BOLL: variants seen among roughly 807,000 people sequenced by gnomAD.
BOLL encodes boule RNA binding protein.
A neutral mutation model predicts 44.4 loss-of-function variants in BOLL; 23 were observed. The ratio of observed to expected loss-of-function variants is 0.52; its 90% CI spans 0.37 to 0.73. BOLL has a LOEUF of 0.73. Among genes scored for constraint, BOLL ranks in the 30% least tolerant of loss-of-function variants. The pLI, the probability that BOLL is intolerant of heterozygous loss-of-function variation, is 0.00. For missense variants in BOLL, 287 were observed against 338.3 expected (o/e 0.85, Z 1.19); for synonymous variants, 97 against 110.8 (o/e 0.88, Z 0.78).
intron 9 of BOLL, among the ~76,000 whole-genome samples, chr2:197,753,389 A>G (rs1574832821): frequency 6.6e-6 from 1 of 152,236 alleles, no homozygotes; most frequent in African/African-American, 2.4e-5. Flanking sequence ...CCATCTATCC[A>G]TCTGACAATA....
intron 10 of BOLL, among the ~76,000 whole-genome samples, chr2:197,733,718 T>C (rs986817150): frequency 6.6e-5 from 10 of 152,202 alleles, no homozygotes; most frequent in African/African-American, 1.9e-4. Context: ...GGGAAAGGAT[T>C]CCCTATTTAA....
rs1689801033 is a variant in BOLL at position 197,781,822 on chromosome 2, G to A, written c.29C>T (p.Pro10Leu). 2 of 1,605,650 alleles carry A rather than the reference G, an allele frequency of 1.2e-6. No homozygotes were observed. The highest frequency in any genetic ancestry group is 1.7e-5 in the Admixed American group (1 of 59,892). The change falls in exon 2 of 11, where the codon CCT (proline) becomes CTT (leucine). Residue 10 changes from proline to leucine, a missense_variant. By Grantham distance (98) the Pro-to-Leu change is moderately conservative. Transcript: ENST00000392296. Reference protein sequence around the residue: MQTDSLSPSPNPVSPVPLNN... With the variant: MQTDSLSPSLNPVSPVPLNN... ...CAAAGGCACAGGTGACACAGGATTA[G>A]GGGATGGAGATAATGAATCTGTTTG...
rs1686876586 is a variant in BOLL, at chr2:197,727,011, T to C, written c.*1544A>G. 6.5e-6 allele frequency: 1 copy of C among 152,686 alleles called. No homozygotes were observed. The highest frequency in any genetic ancestry group is 6.5e-5 in the Admixed American group (1 of 15,278). The allele number at this position is 152,686 out of a possible 1,614,324, so 9.5% of individuals were successfully genotyped here. Reference sequence around the variant, plus strand: ...AGGATAGTGCTATTAAAAGAAAATCTTGAACATCAGTGGTTAGTAATTTTT... The same window carrying C: ...AGGATAGTGCTATTAAAAGAAAATCCTGAACATCAGTGGTTAGTAATTTTT... On this transcript the variant is annotated 3_prime_UTR_variant, in exon 11 of 11. Transcript: ENST00000392296.
chr2:197,761,553 GC>G (rs1688757856), intron 7 of BOLL, among the ~76,000 whole-genome samples: 1 of 152,078 alleles, frequency 6.6e-6, no homozygotes. Flanking sequence ...CAAAAGATAT[GC>G]AAAATAACCA....
chr2:197,761,637 T>C (rs1488715064), intron 7 of BOLL, among the ~76,000 whole-genome samples: 3 of 152,064 alleles, frequency 2.0e-5, no homozygotes, highest in Admixed American at 6.6e-5. Flanking sequence ...GGTTAAATTC[T>C]CCATTTAAAA....
In BOLL at chr2:197,757,489, A is replaced by G. The variant is rs183568370; in HGVS notation, c.553-89T>C. 2.2e-3 allele frequency: 2,407 copies of G among 1,095,178 alleles called. 6 individuals carry two copies. The highest frequency in any genetic ancestry group is 3.7e-3 in the Middle Eastern group (13 of 3,556). The allele number at this position is 1,095,178 out of a possible 1,614,324, so 67.8% of individuals were successfully genotyped here. A position where few individuals can be genotyped will look rare whatever the true frequency, so the allele number is the denominator to read the frequency against. On this transcript the variant is annotated intron_variant, in intron 7 of 10. Coordinates refer to ENST00000392296, the MANE Select transcript of BOLL (RefSeq NM_033030.6). ...TCTACAGGCAAAAATATGAAGTTGGACCCTCACACCATATACAAAAATTAA... is the reference window on the plus strand; with the variant it reads ...TCTACAGGCAAAAATATGAAGTTGGGCCCTCACACCATATACAAAAATTAA...
intron 6 of BOLL, among the ~76,000 whole-genome samples, chr2:197,767,272 TA>T (rs1689041700): frequency 6.6e-6 from 1 of 151,974 alleles, no homozygotes; most frequent in Admixed American, 6.6e-5. Context: ...TGCAAGATAG[TA>T]AAACTGGCTC....
rs146013381 is a variant in BOLL at position 197,755,579 on chromosome 2, T to A, written c.729+849A>T. Among the ~76,000 whole-genome samples, 3 of 152,276 alleles carry A rather than the reference T, an allele frequency of 2.0e-5. No homozygotes were observed. The East Asian group carries it at 5.8e-4, about 29-fold the overall frequency. Reference sequence around the variant, plus strand: ...TATGCAGCCATAAAAAGGAAAGAGATCATGTCCTTTGCTGGGACATGGATG... The same window carrying A: ...TATGCAGCCATAAAAAGGAAAGAGAACATGTCCTTTGCTGGGACATGGATG... On this transcript the variant is annotated intron_variant, in intron 9 of 10. Transcript: ENST00000392296.
chr2:197,732,129 TCAC>T (rs1265044244), intron 10 of BOLL, among the ~76,000 whole-genome samples: 1 of 149,246 alleles, frequency 6.7e-6, no homozygotes, highest in Non-Finnish European at 1.5e-5. Context: ...AAAGGGGATA[TCAC>T]CACCGAGCCC....
intron 9 of BOLL, among the ~76,000 whole-genome samples, chr2:197,746,094 C>G (rs1474039558): frequency 6.6e-6 from 1 of 152,102 alleles, no homozygotes; most frequent in East Asian, 1.9e-4. Context: ...TAGCAATTGC[C>G]ACATCCCAAT....
chr2:197,763,353 G>A (rs1451601511), intron 7 of BOLL, among the ~76,000 whole-genome samples: 4 of 151,500 alleles, frequency 2.6e-5, no homozygotes, highest in African/African-American at 2.4e-5. Context: ...GTAGTGGCGG[G>A]CGCCTGTAGT....
intron 6 of BOLL, among the ~76,000 whole-genome samples, chr2:197,767,357 G>A (rs1200104192): frequency 1.3e-5 from 2 of 151,836 alleles, no homozygotes; most frequent in Admixed American, 6.6e-5. Context: ...TTGCACCCCC[G>A]AAACTGAGGA....
intron 9 of BOLL, among the ~76,000 whole-genome samples, chr2:197,754,561 T>G (rs1011312099): frequency 6.6e-6 from 1 of 151,872 alleles, no homozygotes; most frequent in Non-Finnish European, 1.5e-5. Context: ...TATGAAAATA[T>G]TAGCCAGCTG....
At chr2:197,759,110 G>T in intron 7 of BOLL, 1 of 880,524 alleles carries the variant, frequency 1.1e-6, no homozygotes, top group Non-Finnish European at 1.8e-6. Flanking sequence ...AAAGACTAAG[G>T]CAAAGAATAA....
At chr2:197,757,773 A>T (rs183602048) in intron 7 of BOLL, among the ~76,000 whole-genome samples, 3 of 152,192 alleles carry the variant, frequency 2.0e-5, no homozygotes, top group East Asian at 1.9e-4. Flanking sequence ...CATGGAACTT[A>T]TATCAAGAAT....
At chr2:197,778,648 A>G (rs1056883790) in intron 3 of BOLL, among the ~76,000 whole-genome samples, 4 of 151,896 alleles carry the variant, frequency 2.6e-5, no homozygotes, top group Non-Finnish European at 5.9e-5. Context: ...ATACAATTCC[A>G]AAAGAATCTG....
At chr2:197,761,429 TA>T (rs1688752924) in intron 7 of BOLL, among the ~76,000 whole-genome samples, 1 of 151,842 alleles carries the variant, frequency 6.6e-6, no homozygotes, top group African/African-American at 2.4e-5. Context: ...TGCAAAACTA[TA>T]AAATTCACTG....
Position 197,736,349 on chromosome 2 carries a change from G to T in BOLL, c.828+6712C>A, listed in dbSNP as rs534826985. On this transcript the variant is annotated intron_variant, in intron 10 of 10. Transcript: ENST00000392296. ...AAAGACTATGTAAATGTCACAGATT[G>T]GTGGAGAATAAGGAGACATGACAAA... Among the ~76,000 whole-genome samples, 14 of 152,178 alleles carry T rather than the reference G, an allele frequency of 9.2e-5. No homozygotes were observed. The South Asian group carries it at 2.9e-3, about 32-fold the overall frequency.
intron 7 of BOLL, among the ~76,000 whole-genome samples, chr2:197,760,659 G>A (rs1574843243): frequency 6.6e-6 from 1 of 152,172 alleles, no homozygotes; most frequent in Non-Finnish European, 1.5e-5. Context: ...ACTCTCTTTT[G>A]CTAGGTCACT....
Sources: allele counts gnomAD v4.1 joint callset (sites outside exome capture counted in the v4.1 genomes callset), GRCh38; gene constraint gnomAD v4.1.1; transcripts MANE v1.5; gene names NCBI Gene and HGNC (gene_info 2026-07-23, HGNC 2026-07-21).